The following NAF1 variants were observed in gnomAD, a reference collection of about 807,000 sequenced individuals.
The protein encoded by NAF1 is H/ACA ribonucleoprotein complex non-core subunit NAF1.
NAF1 carries 11 observed loss-of-function variants against 40.6 expected under a neutral mutation model. The ratio of observed to expected loss-of-function variants is 0.27; its 90% CI spans 0.17 to 0.45. The LOEUF is 0.45. Among genes scored for constraint, NAF1 ranks in the 20% least tolerant of loss-of-function variants. NAF1 has a pLI of 1.00. For synonymous variants in NAF1, 260 were observed against 228.5 expected, an observed-to-expected ratio of 1.14 and a Z score of -1.24; for missense variants, 607 against 611.1, an observed-to-expected ratio of 0.99 and a Z score of 0.07.
intron 2 of NAF1, 78 bp downstream of exon 2, chr4:163,164,139 A>C (rs1732345085): frequency 2.2e-6 from 3 of 1,366,296 alleles, no homozygotes; most frequent in Admixed American, 3.6e-5. Context: ...GAGCAGATAT[A>C]GGCAAAATTA....
In NAF1 at chr4:163,128,968, G is replaced by C. The variant is rs1579137666; in HGVS notation, c.1414C>G (p.Pro472Ala). The change falls in exon 8 of 8, where the codon CCT becomes GCT. Residue 472 changes from proline to alanine, a missense_variant. By Grantham distance (27) the Pro-to-Ala change is conservative. Around this residue, in one of 3 missense-constraint regions of NAF1, gnomAD observed 189 missense variants for 216.6 expected, o/e 0.87. Coordinates refer to ENST00000274054, the MANE Select transcript of NAF1 (RefSeq NM_138386.3). ...GGAGGAGGCAGTGGTGGAGGGGGAGGGGGTGGGGGTAGGGAGTATGGTAAG... is the reference window on the plus strand; with the variant it reads ...GGAGGAGGCAGTGGTGGAGGGGGAGCGGGTGGGGGTAGGGAGTATGGTAAG... Reference protein sequence around the residue: ...LNLPYSLPPPPPPPPLPPPPS... With the variant: ...LNLPYSLPPPAPPPPLPPPPS... The C allele has an allele frequency of 6.8e-7, 1 of 1,468,266 alleles. No individual in the cohort carries two copies. The highest frequency in any genetic ancestry group is 1.8e-5 in the Admixed American group (1 of 56,548). The allele number at this position is 1,468,266 out of a possible 1,614,324, so 91.0% of individuals were successfully genotyped here. A position where few individuals can be genotyped will look rare whatever the true frequency, so the allele number is the denominator to read the frequency against.
At chr4:163,117,330 G>A (rs1730368854) in intron 2 of NAF1, 1 of 151,980 alleles carries the variant, frequency 6.6e-6, no homozygotes, top group Non-Finnish European at 1.5e-5. Context: ...ATTGCACTTA[G>A]GATTGCATTC....
chr4:163,132,014 T>A (rs1340840929), intron 7 of NAF1, among the ~76,000 whole-genome samples: 4 of 152,140 alleles, frequency 2.6e-5, no homozygotes, highest in African/African-American at 9.7e-5. Flanking sequence ...ACAATTATAT[T>A]AGCACTACAA....
At chr4:163,148,684 A>G (rs752033872) in intron 2 of NAF1, among the ~76,000 whole-genome samples, 5 of 152,202 alleles carry the variant, frequency 3.3e-5, no homozygotes, top group Non-Finnish European at 5.9e-5. Flanking sequence ...GAACACAGAC[A>G]TAAGTACTAT....
At chr4:163,113,804 A>G (rs1273828000) in intron 2 of NAF1, among the ~76,000 whole-genome samples, 1 of 152,220 alleles carries the variant, frequency 6.6e-6, no homozygotes, top group African/African-American at 2.4e-5. Flanking sequence ...TTGATCACTT[A>G]AAGTTATCTT....
intron 6 of NAF1, 104 bp from the exon 7 acceptor site, chr4:163,133,360 C>G: frequency 1.3e-6 from 1 of 756,352 alleles, no homozygotes; most frequent in South Asian, 2.1e-5. Context: ...ATCAATGACT[C>G]TAAAAAAAGT....
intron 2 of NAF1, among the ~76,000 whole-genome samples, chr4:163,115,107 C>T (rs1579117048): frequency 6.6e-6 from 1 of 151,544 alleles, no homozygotes; most frequent in African/African-American, 2.4e-5. Flanking sequence ...AATTTCAAAA[C>T]GTAGGATCAT....
rs141339774 is a variant in NAF1, at chr4:163,133,821, G to C, written c.931-565C>G. Among the ~76,000 whole-genome samples the C allele has an allele frequency of 9.3e-3, 1,409 of 151,988 alleles. 27 individuals carry two copies. The highest frequency in any genetic ancestry group is 0.032 in the African/African-American group (1,324 of 41,474). ...AAACCATAGGCAAAAGCTTTTTTGT[G>C]TGTGTGTGTGCAGTGGTGCAATCTC... On this transcript the variant is annotated intron_variant, in intron 6 of 7. Coordinates refer to ENST00000274054, the MANE Select transcript of NAF1 (RefSeq NM_138386.3).
chr4:163,133,486 GAT>G, intron 6 of NAF1: 1 of 396,372 alleles, frequency 2.5e-6, no homozygotes, highest in South Asian at 5.0e-5. Flanking sequence ...TCAGCCTTCA[GAT>G]ATGAGTCTGA....
chr4:163,153,237 T>C (rs1254660792), intron 2 of NAF1, among the ~76,000 whole-genome samples: 1 of 152,164 alleles, frequency 6.6e-6, no homozygotes, highest in Non-Finnish European at 1.5e-5. Flanking sequence ...TACGAGCGCA[T>C]GGCGTGGGAC....
chr4:163,135,601 G>C (rs1294008444), intron 6 of NAF1: 1 of 152,172 alleles, frequency 6.6e-6, no homozygotes, highest in Non-Finnish European at 1.5e-5. Context: ...GACTAGCCTG[G>C]ACAACATTGT....
intron 2 of NAF1, among the ~76,000 whole-genome samples, chr4:163,162,521 T>C (rs1732270114): frequency 1.3e-5 from 2 of 152,230 alleles, no homozygotes; most frequent in African/African-American, 4.8e-5. Flanking sequence ...GAAAATCTAA[T>C]AACATTCAAA....
chr4:163,161,411 TAC>T (rs1200339682), intron 2 of NAF1, among the ~76,000 whole-genome samples: 2 of 151,744 alleles, frequency 1.3e-5, no homozygotes, highest in Non-Finnish European at 2.9e-5. Context: ...AGGTGGAGGT[TAC>T]AGTGAGTCGA....
intron 2 of NAF1, among the ~76,000 whole-genome samples, chr4:163,112,779 G>T (rs1730202885): frequency 6.6e-6 from 1 of 152,150 alleles, no homozygotes. Flanking sequence ...AGTACAAAGA[G>T]GAAAACAAAA....
downstream of NAF1, among the ~76,000 whole-genome samples, chr4:163,128,174 G>T (rs1214263450): frequency 6.6e-6 from 1 of 152,158 alleles, no homozygotes; most frequent in Non-Finnish European, 1.5e-5. Flanking sequence ...GTCTGCATGT[G>T]AGGATCTGGA....
At chr4:163,163,927 A>C (rs746581864) in intron 2 of NAF1, among the ~76,000 whole-genome samples, 25 of 152,168 alleles carry the variant, frequency 1.6e-4, no homozygotes, top group Non-Finnish European at 2.4e-4. Flanking sequence ...GCAAATCTAC[A>C]TAAGAAATAT....
chr4:163,144,547 T>C (rs1397462503), intron 4 of NAF1, among the ~76,000 whole-genome samples: 1 of 152,210 alleles, frequency 6.6e-6, no homozygotes, highest in Non-Finnish European at 1.5e-5. Context: ...GTTTAACAAA[T>C]ACTTTCTAAT....
At chr4:163,134,603 T>C (rs1172991906) in intron 6 of NAF1, among the ~76,000 whole-genome samples, 5 of 152,182 alleles carry the variant, frequency 3.3e-5, no homozygotes, top group Non-Finnish European at 5.9e-5. Flanking sequence ...CTTAATGCTA[T>C]GTTATTATAG....
intron 2 of NAF1, among the ~76,000 whole-genome samples, chr4:163,151,891 CTAATA>C (rs897284681): frequency 4.6e-5 from 7 of 152,092 alleles, no homozygotes; most frequent in African/African-American, 1.2e-4. Context: ...AAATTCCTAT[CTAATA>C]TATTTTATTG....
Sources: gnomAD v4.1 joint callset for allele counts (sites outside exome capture counted in the v4.1 genomes callset) on GRCh38, gnomAD v4.1.1 for gene constraint, gnomAD v4.1.1 regional missense constraint, MANE v1.5 for transcripts, NCBI Gene and HGNC (gene_info 2026-07-23, HGNC 2026-07-21) for gene names.